The following ST18 variants were observed in gnomAD, a reference collection of about 807,000 sequenced individuals.
The protein encoded by ST18 is ST18 C2H2C-type zinc finger transcription factor.
Under a neutral mutation model 110.0 loss-of-function variants are expected in ST18, and 50 were observed. The ratio of observed to expected loss-of-function variants is 0.45; its 90% confidence interval spans 0.36 to 0.58. The LOEUF is 0.58. Ranked by LOEUF, ST18 falls within the 20% of genes least tolerant of loss-of-function variation. ST18 has a pLI of 0.00. For missense variants in ST18, 1,306 were observed against 1,280.1 expected (o/e 1.02, Z -0.31); for synonymous variants, 461 against 452.4 (o/e 1.02, Z -0.24).
chr8:52,198,783 C>T (rs1471893341), intron 8 of ST18, among the ~76,000 whole-genome samples: 1 of 152,184 alleles, frequency 6.6e-6, no homozygotes, highest in Non-Finnish European at 1.5e-5. Context: ...ACAGAAATAA[C>T]CTGATAGAGA....
At chr8:52,233,248 G>A (rs896441107) in intron 2 of ST18, among the ~76,000 whole-genome samples, 8 of 152,102 alleles carry the variant, frequency 5.3e-5, no homozygotes, top group African/African-American at 1.7e-4. Flanking sequence ...GGAGTCCTCC[G>A]TGAGTGGAGA....
At position 52,409,649 on chromosome 8, in the gene ST18, CCA is replaced by C. The variant is rs1311159082; in HGVS notation, c.-693_-692del. The C allele has an allele frequency of 6.6e-6, 1 of 152,138 alleles. No homozygotes were observed. Among genetic ancestry groups the C allele is most frequent in the Non-Finnish European group, 1.5e-5 (1 of 67,998 alleles). The allele number at this position is 152,138 out of a possible 1,614,324, so 9.4% of individuals were successfully genotyped here. A position where few individuals can be genotyped will look rare whatever the true frequency, so the allele number is the denominator to read the frequency against. ...CCATGGTTTCCGAGATGTAAAACAC[CCA>C]CAGTTACCTCAATTATTTTTCTCTC... On this transcript the variant is annotated 5_prime_UTR_variant, in exon 1 of 26. Transcript: ENST00000689386.
Position 52,143,042 on chromosome 8 carries a change from C to T in ST18, c.2056G>A (p.Asp686Asn), listed in dbSNP as rs761450145. 1 of 1,600,132 alleles carries T rather than the reference C, an allele frequency of 6.2e-7. No homozygotes were observed. The highest frequency in any genetic ancestry group is 8.6e-7 in the Non-Finnish European group (1 of 1,168,098). Residue 686 changes from aspartate (D) to asparagine (N), a missense_variant, in exon 17 of 26, where the codon GAC becomes AAC. Physicochemically the swap from Asp to Asn is conservative, Grantham distance 23. Coordinates refer to ENST00000689386, the MANE Select transcript of ST18 (RefSeq NM_001352837.2). ...HGKTEEEKEK[D>N]PVSSLENLEE... ...AAATTTTCTAGAGAGCTCACTGGGT[C>T]TTTCTGGAAAACAAACAAAAAACAA...
intron 17 of ST18, 117 bp from the exon 18 acceptor site, chr8:52,137,600 G>A: frequency 2.2e-6 from 2 of 912,770 alleles, no homozygotes; most frequent in East Asian, 2.7e-5. Flanking sequence ...ACACAGTATA[G>A]GACATGCAGA....
chr8:52,246,184 G>A (rs1424565330), intron 2 of ST18, among the ~76,000 whole-genome samples: 6 of 151,940 alleles, frequency 3.9e-5, no homozygotes, highest in Admixed American at 2.0e-4. Context: ...CTGGGTTCAA[G>A]ATTCTTTACA....
chr8:52,348,747 A>G (rs1818891854), intron 2 of ST18, among the ~76,000 whole-genome samples: 1 of 152,062 alleles, frequency 6.6e-6, no homozygotes, highest in Non-Finnish European at 1.5e-5. Context: ...CTCCACCTCA[A>G]AAAAAATTGT....
At chr8:52,170,639 G>A (rs1366133212) in intron 10 of ST18, among the ~76,000 whole-genome samples, 2 of 152,012 alleles carry the variant, frequency 1.3e-5, no homozygotes, top group Middle Eastern at 6.8e-3. Flanking sequence ...TTGCACATTA[G>A]TGGGAGTGCA....
At chr8:52,403,171 C>T (rs915874837) in intron 2 of ST18, among the ~76,000 whole-genome samples, 1 of 152,022 alleles carries the variant, frequency 6.6e-6, no homozygotes, top group African/African-American at 2.4e-5. Context: ...TATGGAGTTG[C>T]TGCAGCTCAG....
At chr8:52,177,201 G>C (rs992365856) in intron 9 of ST18, among the ~76,000 whole-genome samples, 1 of 152,142 alleles carries the variant, frequency 6.6e-6, no homozygotes, top group Non-Finnish European at 1.5e-5. Context: ...TTGCAAGCTC[G>C]TCTCCTCAGG....
Position 52,111,324 on chromosome 8 carries a change from G to C in ST18, c.*1874C>G, listed in dbSNP as rs117043948. 811 of 222,186 alleles carry C rather than the reference G, an allele frequency of 3.7e-3. 3 individuals are homozygous for C. Among genetic ancestry groups the C allele is most frequent in the Non-Finnish European group, 5.7e-3 (647 of 114,022 alleles). The allele number at this position is 222,186 out of a possible 1,614,324, so 13.8% of individuals were successfully genotyped here. A position where few individuals can be genotyped will look rare whatever the true frequency, so the allele number is the denominator to read the frequency against. On this transcript the variant is annotated 3_prime_UTR_variant, in exon 26 of 26. Coordinates refer to ENST00000689386, the MANE Select transcript of ST18 (RefSeq NM_001352837.2). ...TGAAGTACTGTATAGCAAAATGTTT[G>C]CAAGTACACAACTGTAATAGAAAAT...
In ST18 at chr8:52,222,438, C is replaced by T. The variant is rs147261802; in HGVS notation, c.-418-645G>A. 4.4e-3 allele frequency among the ~76,000 whole-genome samples: 672 copies of T among 152,346 alleles called. 1 individual carries two copies. Among genetic ancestry groups the T allele is most frequent in the Non-Finnish European group, 7.4e-3 (504 of 68,028 alleles). On this transcript the variant is annotated intron_variant, in intron 3 of 25. Transcript: ENST00000689386. The stretch of plus-strand genomic sequence containing the variant: ...CTGTCAGATGCATCAGCCCTCTGCC[C>T]TAACCCCATCTGCCGTGGCTCCCCT...
intron 2 of ST18, among the ~76,000 whole-genome samples, chr8:52,350,724 CT>C (rs111934110): frequency 0.019 from 2,734 of 143,918 alleles, 25 homozygotes; most frequent in Non-Finnish European, 0.028. Context: ...TATATATATA[CT>C]TTTTTTTTTT....
intron 2 of ST18, among the ~76,000 whole-genome samples, chr8:52,290,059 A>T (rs914488954): frequency 1.3e-5 from 2 of 152,120 alleles, no homozygotes; most frequent in African/African-American, 4.8e-5. Context: ...ATCGACTCTT[A>T]TGGTACACCT....
At chr8:52,408,018 T>G (rs2141186738) in intron 2 of ST18, 1 of 152,318 alleles carries the variant, frequency 6.6e-6, no homozygotes, top group South Asian at 2.1e-4. Flanking sequence ...TTACTTTTAT[T>G]TCGTGTTGGA....
At chr8:52,165,580 C>A (rs1299645076) in intron 11 of ST18, among the ~76,000 whole-genome samples, 1 of 152,190 alleles carries the variant, frequency 6.6e-6, no homozygotes, top group Non-Finnish European at 1.5e-5. Context: ...TTCTTTCTAT[C>A]TTTTCCCTGC....
rs535490658 is a variant in ST18, at chr8:52,373,237, C to T, written c.-465+36091G>A. 7.0e-4 allele frequency among the ~76,000 whole-genome samples: 107 copies of T among 152,258 alleles called. No homozygotes were observed. In the South Asian group the frequency reaches 8.7e-3, roughly 12 times the overall value. ...AGGTGGCATCCTCATTTTCCCCCTT[C>T]AGAGAGTAAGCCCTCCCTCCTCCCC... On this transcript the variant is annotated intron_variant, in intron 2 of 25. Transcript: ENST00000689386.
chr8:52,219,107 C>T (rs1466505417), intron 5 of ST18, among the ~76,000 whole-genome samples: 1 of 152,076 alleles, frequency 6.6e-6, no homozygotes, highest in Non-Finnish European at 1.5e-5. Context: ...ACATTGAGTG[C>T]CCTTTCTTTT....
intron 2 of ST18, among the ~76,000 whole-genome samples, chr8:52,343,533 A>C (rs1454994799): frequency 6.6e-6 from 1 of 152,214 alleles, no homozygotes; most frequent in Non-Finnish European, 1.5e-5. Flanking sequence ...CCTCCGAGCA[A>C]AGTCCCCGTG....
At chr8:52,141,645 A>T (rs370819839) in intron 17 of ST18, among the ~76,000 whole-genome samples, 1 of 151,824 alleles carries the variant, frequency 6.6e-6, no homozygotes, top group African/African-American at 2.4e-5. Context: ...CACATAAGTG[A>T]TTGAGAGAAG....
Sources: allele counts gnomAD v4.1 joint callset (sites outside exome capture counted in the v4.1 genomes callset), GRCh38; gene constraint gnomAD v4.1.1; transcripts MANE v1.5; gene names NCBI Gene and HGNC (gene_info 2026-07-23, HGNC 2026-07-21).